PLD4: variants seen among roughly 807,000 people sequenced by gnomAD.
PLD4 encodes the protein phospholipase D family member 4.
PLD4 carries 54 observed loss-of-function variants against 52.3 expected under a neutral mutation model. The ratio of observed to expected loss-of-function variants is 1.03; its 90% CI spans 0.83 to 1.30. PLD4 has a LOEUF of 1.30. Ranked by LOEUF, PLD4 falls within the 50% of genes most tolerant of loss-of-function variation. PLD4 has a pLI of 0.00. For synonymous variants in PLD4, 264 were observed against 286.5 expected, an observed-to-expected ratio of 0.92 and a Z score of 0.79; for missense variants, 731 against 671.1, an observed-to-expected ratio of 1.09 and a Z score of -0.99.
intron 1 of PLD4, among the ~76,000 whole-genome samples, chr14:104,925,573 T>G (rs1246847535): frequency 6.6e-6 from 1 of 152,142 alleles, no homozygotes; most frequent in Admixed American, 6.5e-5. Flanking sequence ...GGGGAGCAGC[T>G]GTCCAAGAAC....
intron 2 of PLD4, 34 bp downstream of exon 2, chr14:104,927,264 G>T: frequency 6.7e-7 from 1 of 1,489,708 alleles, no homozygotes; most frequent in Non-Finnish European, 9.0e-7. Flanking sequence ...GGAGGTGGCT[G>T]GGATCAATGG....
chr14:104,930,560 C>G (rs1897608187), intron 6 of PLD4, 182 bp from the exon 7 acceptor site: 1 of 632,248 alleles, frequency 1.6e-6, no homozygotes. Context: ...AACACAGGCA[C>G]CCGCTGGGCA....
intron 3 of PLD4, among the ~76,000 whole-genome samples, chr14:104,928,252 C>G (rs771964017): frequency 9.9e-5 from 15 of 152,198 alleles, no homozygotes; most frequent in Non-Finnish European, 1.8e-4. Flanking sequence ...CCGGAGGAAC[C>G]TGTTGGGCCA....
chr14:104,928,667 T>C, intron 3 of PLD4, 82 bp from the exon 4 acceptor site: 2 of 1,397,938 alleles, frequency 1.4e-6, no homozygotes, highest in Non-Finnish European at 1.9e-6. Context: ...TGCTCTGGCT[T>C]GGCAGTGGGA....
rs200828783 is a variant in PLD4, at chr14:104,930,914, A to T, written c.890A>T (p.Asp297Val). 2.2e-5 allele frequency: 35 copies of T among 1,613,158 alleles called. No homozygotes were observed. Among genetic ancestry groups the T allele is most frequent in the Middle Eastern group, 1.6e-4 (1 of 6,084 alleles). The part of the protein sequence containing the change: ...NRFQPFHGLF[D>V]GVPTTAYFSA... ...TTCCAGCCCTTCCACGGCCTCTTTG[A>T]TGGGGTGCCCACCACTGCCTACTTC... Residue 297 changes from aspartate (D) to valine (V), a missense_variant, in exon 7 of 11, where the codon GAT becomes GTT. By Grantham distance (152) the Asp-to-Val change is radical. Coordinates refer to ENST00000392593, the MANE Select transcript of PLD4 (RefSeq NM_138790.5).
In PLD4 at chr14:104,928,919, C is replaced by T. The variant is rs201959593; in HGVS notation, c.455C>T (p.Ser152Leu). Residue 152 changes from serine (S) to leucine (L), a missense_variant, in exon 4 of 11, where the codon TCG becomes TTG. By Grantham distance (145) the Ser-to-Leu change is moderately radical (BLOSUM62 -2). Transcript: ENST00000392593. ...LTGPDIGVNDSSSQLGEALLQ... is the reference protein window; with the variant it reads ...LTGPDIGVNDLSSQLGEALLQ... ...GGGCCTGACATCGGGGTCAACGACT[C>T]GTCTTCCCAGCTGGTGCGCCCCGCC... 2.2e-5 allele frequency: 36 copies of T among 1,600,274 alleles called. No individual in the cohort carries two copies. The highest frequency in any genetic ancestry group is 3.3e-5 in the South Asian group (3 of 90,596).
In PLD4 at chr14:104,931,602, G is replaced by A. The variant is rs577895739; in HGVS notation, c.919-146G>A. 9.5e-6 allele frequency: 11 copies of A among 1,161,008 alleles called. No individual in the cohort carries two copies. The Admixed American group carries it at 3.2e-4, about 33-fold the overall frequency. The allele number at this position is 1,161,008 out of a possible 1,614,324, so 71.9% of individuals were successfully genotyped here. On this transcript the variant is annotated intron_variant, in intron 7 of 10. Coordinates refer to ENST00000392593, the MANE Select transcript of PLD4 (RefSeq NM_138790.5). ...AGCCAGTCCCCAGGACCCCTGTTGAGCCGACCCCTTCTTTCCTCATATTTC... is the reference window on the plus strand; with the variant it reads ...AGCCAGTCCCCAGGACCCCTGTTGAACCGACCCCTTCTTTCCTCATATTTC...
intron 8 of PLD4, 56 bp downstream of exon 8, chr14:104,931,943 C>T: frequency 6.6e-7 from 1 of 1,523,472 alleles, no homozygotes; most frequent in Non-Finnish European, 8.8e-7. Flanking sequence ...CTCCTGGGCA[C>T]GTCCCCTCCT....
At chr14:104,928,690 T>C in intron 3 of PLD4, 59 bp from the exon 4 acceptor site, 1 of 1,477,752 alleles carries the variant, frequency 6.8e-7, no homozygotes, top group Admixed American at 2.2e-5. Context: ...GGGCAGGTGA[T>C]GTGAGGTGGG....
At chr14:104,931,963 C>A (rs774877978) in intron 8 of PLD4, 49 bp from the exon 9 acceptor site, 2 of 1,529,470 alleles carry the variant, frequency 1.3e-6, no homozygotes, top group Admixed American at 2.0e-5. Flanking sequence ...TGCTGGGACC[C>A]CTATCGGGCC....
Position 104,932,714 on chromosome 14 carries a change from G to T in PLD4, c.1322-51G>T. ...CGGGCCTGGCGCTGAGCGGGCTGCA[G>T]AGGGGCCTGTGGGAGCCGGCGCCCC... On this transcript the variant is annotated intron_variant, in intron 10 of 10. Transcript: ENST00000392593. This position sits in a 1 kb window ranked among gnomAD's most constrained non-coding sequence, Gnocchi z 6.5. 1 of 1,465,028 alleles carries T rather than the reference G, an allele frequency of 6.8e-7. No homozygotes were observed. The highest frequency in any genetic ancestry group is 1.4e-5 in the South Asian group (1 of 72,530). The allele number at this position is 1,465,028 out of a possible 1,614,324, so 90.8% of individuals were successfully genotyped here.
In PLD4 at chr14:104,928,881, C is replaced by T. The variant is rs1897545300; in HGVS notation, c.417C>T (p.Tyr139=). ...AQESVHVASY[Y]WSLTGPDIGV... ...AGAGCGTCCACGTGGCTTCATACTACTGGTCCCTCACAGGGCCTGACATCG... is the reference window on the plus strand; with the variant it reads ...AGAGCGTCCACGTGGCTTCATACTATTGGTCCCTCACAGGGCCTGACATCG... The change falls in exon 4 of 11, where the codon TAC becomes TAT. Residue 139 remains tyrosine (Y), a synonymous_variant. Transcript: ENST00000392593. 3.1e-6 allele frequency: 5 copies of T among 1,611,250 alleles called. No individual in the cohort carries two copies. Among genetic ancestry groups the T allele is most frequent in the Non-Finnish European group, 4.2e-6 (5 of 1,178,496 alleles).
At chr14:104,925,624 A>G (rs1897428467) in intron 1 of PLD4, among the ~76,000 whole-genome samples, 2 of 152,070 alleles carry the variant, frequency 1.3e-5, no homozygotes. Context: ...CCAGGATTCC[A>G]TGTTTCCTCT....
chr14:104,932,005 C>A lies in PLD4; in HGVS notation c.1059-7C>A. 6.3e-7 allele frequency: 1 copy of A among 1,576,650 alleles called. No individual in the cohort carries two copies. Among genetic ancestry groups the A allele is most frequent in the Non-Finnish European group, 8.6e-7 (1 of 1,163,320 alleles). ...GTAAGCAGAGCCCCGTCCCTCCCCACCCCAAGGTACTGGCCGGTGCTGGAC... is the reference window on the plus strand; with the variant it reads ...GTAAGCAGAGCCCCGTCCCTCCCCAACCCAAGGTACTGGCCGGTGCTGGAC... On this transcript the variant is annotated splice_region_variant and splice_polypyrimidine_tract_variant and intron_variant, in intron 8 of 10. Coordinates refer to ENST00000392593, the MANE Select transcript of PLD4 (RefSeq NM_138790.5). The surrounding 1 kb of genome is among the most constrained non-coding windows in gnomAD (Gnocchi z 6.5).
chr14:104,932,175 G>C lies in PLD4; in HGVS notation c.1222G>C (p.Val408Leu). ...CCCCGCGGCCAACGTCTCTGTGGAC[G>C]TGGTGAGGGCGTGCTCCCGGCCGGG... Reference protein sequence around the residue: ...SNPAANVSVDVKVFIVPVGNH... With the variant: ...SNPAANVSVDLKVFIVPVGNH... The change falls in exon 9 of 11, where the codon GTG becomes CTG. Residue 408 changes from valine (V) to leucine (L), a missense_variant and splice_region_variant. Coordinates refer to ENST00000392593, the MANE Select transcript of PLD4 (RefSeq NM_138790.5). This position sits in a 1 kb window ranked among gnomAD's most constrained non-coding sequence, Gnocchi z 6.5. 1 of 1,611,450 alleles carries C rather than the reference G, an allele frequency of 6.2e-7. No homozygotes were observed. Among genetic ancestry groups the C allele is most frequent in the Non-Finnish European group, 8.5e-7 (1 of 1,179,184 alleles).
At chr14:104,931,940 G>T in intron 8 of PLD4, 53 bp downstream of exon 8, 9 of 1,523,374 alleles carry the variant, frequency 5.9e-6, no homozygotes, top group Non-Finnish European at 7.9e-6. Flanking sequence ...CAGCTCCTGG[G>T]CACGTCCCCT....
intron 2 of PLD4, 110 bp from the exon 3 acceptor site, chr14:104,927,563 G>A (rs1897496419): frequency 8.0e-7 from 1 of 1,253,838 alleles, no homozygotes; most frequent in South Asian, 1.5e-5. Flanking sequence ...GGCAGCCCAG[G>A]TCCGGGAAGT....
chr14:104,932,736 C>T lies in PLD4; in HGVS notation c.1322-29C>T, dbSNP rs759252589. 6 of 1,499,040 alleles carry T rather than the reference C, an allele frequency of 4.0e-6. No individual in the cohort carries two copies. The highest frequency in any genetic ancestry group is 5.4e-6 in the Non-Finnish European group (6 of 1,118,712). The allele number at this position is 1,499,040 out of a possible 1,614,324, so 92.9% of individuals were successfully genotyped here. ...GCAGAGGGGCCTGTGGGAGCCGGCG[C>T]CCCAGTGTCTCCTCCATCCTCCCCG... is the stretch of plus-strand genomic sequence containing the variant. On this transcript the variant is annotated intron_variant, in intron 10 of 10. Coordinates refer to ENST00000392593, the MANE Select transcript of PLD4 (RefSeq NM_138790.5). The surrounding 1 kb of genome is among the most constrained non-coding windows in gnomAD (Gnocchi z 6.5).
In PLD4 at chr14:104,932,916, C is replaced by G; in HGVS notation, c.1473C>G (p.Val491=). 3.1e-6 allele frequency: 5 copies of G among 1,601,592 alleles called. No homozygotes were observed. The highest frequency in any genetic ancestry group is 1.1e-5 in the South Asian group (1 of 89,274). The part of the protein sequence containing the change: ...FERDWSSRYA[V]GLDGQAPGQD... ...GGGACTGGAGTTCGCGCTACGCCGT[C>G]GGCCTGGACGGACAGGCTCCGGGCC... The change falls in exon 11 of 11, where the codon GTC becomes GTG. Residue 491 remains valine (V), a synonymous_variant. Coordinates refer to ENST00000392593, the MANE Select transcript of PLD4 (RefSeq NM_138790.5). The surrounding 1 kb of genome is among the most constrained non-coding windows in gnomAD (Gnocchi z 6.5).
Sources: allele counts gnomAD v4.1 joint callset (sites outside exome capture counted in the v4.1 genomes callset), GRCh38; gene constraint gnomAD v4.1.1; non-coding constraint Gnocchi (gnomAD v3.1); transcripts MANE v1.5; gene names NCBI Gene and HGNC (gene_info 2026-07-23, HGNC 2026-07-21).